Variants in PMP22 observed in about 807,000 individuals in gnomAD.
The protein encoded by PMP22 is Charcot-Marie-Tooth neuropathy 1A (greatly reduced nerve conduction velocity, hereditary motor sensory neuropathy Ia).
PMP22 carries 2 observed loss-of-function variants against 18.9 expected under a neutral mutation model. That is an observed-to-expected ratio of 0.11 (90% CI 0.04 to 0.33). PMP22 has a LOEUF of 0.33. PMP22 is among the 10% of genes least tolerant of loss of function. The probability of loss-of-function intolerance (pLI) is 1.00; values close to 1 mark genes in which losing one functional copy is unlikely to be tolerated. For synonymous variants in PMP22, 95 were observed against 89.2 expected, an observed-to-expected ratio of 1.07 and a Z score of -0.37; for missense variants, 169 against 202.2, an observed-to-expected ratio of 0.84 and a Z score of 1.00.
At chr17:15,244,216 A>T (rs777069020) in intron 3 of PMP22, among the ~76,000 whole-genome samples, 2 of 152,156 alleles carry the variant, frequency 1.3e-5, no homozygotes, top group Non-Finnish European at 2.9e-5. Flanking sequence ...ACCCATGAGG[A>T]GGGTGACACC....
chr17:15,233,238 G>GGCCCTGAGGCACACCTGTATCACCA (rs1389184964), intron 4 of PMP22, among the ~76,000 whole-genome samples: 1 of 152,184 alleles, frequency 6.6e-6, no homozygotes, highest in Admixed American at 6.5e-5. Flanking sequence ...CCTGTGGCAA[G>GGCCCTGAGGCACACCTGTATCACCA]GGTAAGTGAG....
At chr17:15,264,704 G>T (rs1909594730) in intron 1 of PMP22, among the ~76,000 whole-genome samples, 1 of 152,084 alleles carries the variant, frequency 6.6e-6, no homozygotes, top group South Asian at 2.1e-4. Context: ...ACTGCCTCTG[G>T]CCTCCTGCCT....
In PMP22 at chr17:15,258,437, T is replaced by C. The variant is rs7220314; in HGVS notation, c.178+657A>G. On this transcript the variant is annotated intron_variant, in intron 3 of 4. Transcript: ENST00000312280. This position sits in a 1 kb window ranked among gnomAD's most constrained non-coding sequence, Gnocchi z 4.1. ...CAATTATCCCTTAATTTGACCCTCA[T>C]GAAGCCTGGCTTCCATATCTCACAA... is the stretch of plus-strand genomic sequence containing the variant. Among the ~76,000 whole-genome samples, 3,684 of 152,172 alleles carry C rather than the reference T, an allele frequency of 0.024. 146 individuals carry two copies. The highest frequency in any genetic ancestry group is 0.082 in the African/African-American group (3,413 of 41,490).
intron 3 of PMP22, among the ~76,000 whole-genome samples, chr17:15,243,932 T>A (rs557943886): frequency 6.6e-6 from 1 of 152,036 alleles, no homozygotes; most frequent in East Asian, 1.9e-4. Context: ...TTTGGAAGCA[T>A]ACATGTAAAT....
chr17:15,234,589 C>T (rs1487372099), intron 4 of PMP22, among the ~76,000 whole-genome samples: 1 of 152,156 alleles, frequency 6.6e-6, no homozygotes, highest in Non-Finnish European at 1.5e-5. Context: ...CTCTGTGTTT[C>T]TGTGATTGAA....
intron 2 of PMP22, among the ~76,000 whole-genome samples, chr17:15,259,427 C>A (rs1909116796): frequency 6.6e-6 from 1 of 152,088 alleles, no homozygotes; most frequent in Non-Finnish European, 1.5e-5. Flanking sequence ...GTAGAAGGAG[C>A]CATGAACTCA....
intron 3 of PMP22, among the ~76,000 whole-genome samples, chr17:15,242,739 T>G (rs1004725196): frequency 1.3e-5 from 2 of 152,196 alleles, no homozygotes; most frequent in Non-Finnish European, 2.9e-5. Context: ...AAAACTTGTG[T>G]CTATATAGCA....
At chr17:15,242,932 G>A (rs1907475026) in intron 3 of PMP22, among the ~76,000 whole-genome samples, 1 of 152,020 alleles carries the variant, frequency 6.6e-6, no homozygotes, top group Admixed American at 6.5e-5. Flanking sequence ...CAGTGTTCCA[G>A]ATAATTCCTC....
intron 4 of PMP22, among the ~76,000 whole-genome samples, chr17:15,237,037 C>T (rs1906874771): frequency 6.6e-6 from 1 of 152,138 alleles, no homozygotes; most frequent in African/African-American, 2.4e-5. Context: ...TTTCATGAGA[C>T]GTAAGCAGCT....
intron 1 of PMP22, among the ~76,000 whole-genome samples, chr17:15,264,083 G>A (rs191509231): frequency 0.02 from 3,084 of 152,238 alleles, 127 homozygotes; most frequent in African/African-American, 0.07. Context: ...AGTTAACATC[G>A]TGTCTGCAAC....
At chr17:15,239,161 TG>T (rs1907067024) in intron 4 of PMP22, among the ~76,000 whole-genome samples, 1 of 152,238 alleles carries the variant, frequency 6.6e-6, no homozygotes, top group South Asian at 2.1e-4. Flanking sequence ...TCTGATTATG[TG>T]TCCAGATTGC....
At chr17:15,247,053 A>G (rs1315002290) in intron 3 of PMP22, among the ~76,000 whole-genome samples, 2 of 101,118 alleles carry the variant, frequency 2.0e-5, no homozygotes, top group Admixed American at 1.3e-4. Context: ...CTGGAAACAG[A>G]GCAAGACTCG....
rs376847762 is a variant in PMP22 at position 15,260,659 on chromosome 17, C to G, written c.69G>C (p.Thr23=). 34 of 1,552,188 alleles carry G rather than the reference C, an allele frequency of 2.2e-5. No individual in the cohort carries two copies. The highest frequency in any genetic ancestry group is 5.9e-5 in the Admixed American group (3 of 51,078). Residue 23 remains threonine, a synonymous_variant, in exon 2 of 5, where the codon ACG becomes ACC. Coordinates refer to ENST00000312280, the MANE Select transcript of PMP22 (RefSeq NM_000304.4). ...CCCGCCAGGCACTCACGCTGACGATCGTGGAGACGAACAGCAGCACCAGCA... is the reference window on the plus strand; with the variant it reads ...CCCGCCAGGCACTCACGCTGACGATGGTGGAGACGAACAGCAGCACCAGCA... ...VAVLVLLFVS[T]IVSQWIVGNG...
chr17:15,256,433 G>A (rs952716148), intron 3 of PMP22, among the ~76,000 whole-genome samples: 2 of 152,126 alleles, frequency 1.3e-5, no homozygotes, highest in African/African-American at 4.8e-5. Context: ...CCTGAGGTCA[G>A]GAGTTCGAGA....
At chr17:15,246,015 G>A (rs1352534577) in intron 3 of PMP22, among the ~76,000 whole-genome samples, 1 of 118,218 alleles carries the variant, frequency 8.5e-6, no homozygotes, top group Non-Finnish European at 1.7e-5. Flanking sequence ...AGCAAGACTC[G>A]TCTCAAAAAA....
At chr17:15,251,660 T>C (rs1597623342) in intron 3 of PMP22, 1 of 151,204 alleles carries the variant, frequency 6.6e-6, no homozygotes, top group African/African-American at 2.4e-5. Context: ...TGTGTGTGGA[T>C]GACTGCACAC....
At chr17:15,250,209 C>T (rs1177677033) in intron 3 of PMP22, among the ~76,000 whole-genome samples, 6 of 152,204 alleles carry the variant, frequency 3.9e-5, no homozygotes, top group African/African-American at 1.4e-4. Flanking sequence ...TGAGCCACCG[C>T]GCCCAGCCGA....
At chr17:15,254,041 T>A (rs1303469647) in intron 3 of PMP22, among the ~76,000 whole-genome samples, 1 of 152,144 alleles carries the variant, frequency 6.6e-6, no homozygotes, top group Non-Finnish European at 1.5e-5. Flanking sequence ...AAGTGGGAAG[T>A]TCACATTTCA....
In PMP22 at chr17:15,259,172, G is replaced by A. The variant is rs756458019; in HGVS notation, c.100C>T (p.His34Tyr). The A allele has an allele frequency of 5.0e-6, 8 of 1,613,188 alleles. No homozygotes were observed. The East Asian group carries it at 1.3e-4, about 27-fold the overall frequency. ...IVSQWIVGNG[H>Y]ATDLWQNCST... ...CAGTTCTGCCAGAGATCAGTTGCGT[G>A]TCCATTGCCCACGATCCATTGCTAG... The change falls in exon 3 of 5, where the codon CAC (histidine) becomes TAC (tyrosine). Residue 34 changes from histidine to tyrosine, a missense_variant. Physicochemically the swap from His to Tyr is moderately conservative, Grantham distance 83. Transcript: ENST00000312280.
Sources: allele counts gnomAD v4.1 joint callset (sites outside exome capture counted in the v4.1 genomes callset), GRCh38; gene constraint gnomAD v4.1.1; non-coding constraint Gnocchi (gnomAD v3.1); transcripts MANE v1.5; gene names NCBI Gene and HGNC (gene_info 2026-07-23, HGNC 2026-07-21).